Variants in MMP27 observed in about 807,000 individuals in gnomAD.
MMP27 encodes matrix metalloproteinase-27.
A neutral mutation model predicts 48.1 loss-of-function variants in MMP27; 51 were observed. The observed-to-expected ratio is 1.06, with a 90% CI of 0.85 to 1.34. MMP27 has a LOEUF of 1.34. MMP27 is among the 40% of genes most tolerant of loss of function. The pLI, the probability that MMP27 is intolerant of heterozygous loss-of-function variation, is 0.00. For synonymous variants in MMP27, 229 were observed against 208.9 expected (o/e 1.10, Z -0.83); for missense variants, 698 against 619.3 (o/e 1.13, Z -1.35).
intron 4 of MMP27, among the ~76,000 whole-genome samples, chr11:102,700,846 T>G (rs928644612): frequency 6.6e-6 from 1 of 152,248 alleles, no homozygotes; most frequent in Admixed American, 6.5e-5. Context: ...CCCCATGCGA[T>G]GACCTGTTCT....
Position 102,703,040 on chromosome 11 carries a change from T to G in MMP27, c.420A>C (p.Lys140Asn), listed in dbSNP as rs1325326866. The G allele has an allele frequency of 1.9e-6, 3 of 1,614,114 alleles. No individual in the cohort carries two copies. The East Asian group carries it at 6.7e-5, about 36-fold the overall frequency. The change falls in exon 3 of 10, where the codon AAA becomes AAC. Residue 140 changes from lysine to asparagine, a missense_variant. Lys to Asn is a moderately conservative substitution (Grantham distance 94). Transcript: ENST00000260229. ...AIQEGLEVWS[K>N]VTPLKFTKIS... ...TCTTGGTGAATTTTAGTGGAGTGACTTTGCTCCACACTTCTAAACCTTCTT... is the reference window on the plus strand; with the variant it reads ...TCTTGGTGAATTTTAGTGGAGTGACGTTGCTCCACACTTCTAAACCTTCTT...
rs1565427672 is a variant in MMP27, at chr11:102,698,967, A to AT, written c.620-2133dup. The stretch of plus-strand genomic sequence containing the variant: ...TTCTGTCACCCTGAGTACAGGAACC[A>AT]TGTCTTAATTATCTTTTATTCCTAG... On this transcript the variant is annotated intron_variant, in intron 4 of 9. Coordinates refer to ENST00000260229, the MANE Select transcript of MMP27 (RefSeq NM_022122.3). 2.6e-5 allele frequency among the ~76,000 whole-genome samples: 4 copies of AT among 152,340 alleles called. No individual in the cohort carries two copies. In the East Asian group the frequency reaches 7.7e-4, roughly 29 times the overall value.
intron 2 of MMP27, 65 bp downstream of exon 2, chr11:102,704,472 T>C: frequency 1.6e-6 from 2 of 1,240,220 alleles, no homozygotes; most frequent in Non-Finnish European, 2.3e-6. Flanking sequence ...AATATTATTC[T>C]GTTCCTTGGA....
chr11:102,693,068 C>T, intron 8 of MMP27, 27 bp from the exon 9 acceptor site: 1 of 1,581,724 alleles, frequency 6.3e-7, no homozygotes, highest in Non-Finnish European at 8.7e-7. Context: ...GAAAGGATAC[C>T]AGCGGATCTT....
At position 102,696,400 on chromosome 11, in the gene MMP27, G is replaced by T; in HGVS notation, c.873C>A (p.Phe291Leu). Residue 291 changes from phenylalanine (F) to leucine (L), a missense_variant, in exon 6 of 10, where the codon TTC becomes TTA. Physicochemically the swap from Phe to Leu is conservative, Grantham distance 22. Coordinates refer to ENST00000260229, the MANE Select transcript of MMP27 (RefSeq NM_022122.3). ...CTTTAAAGAACATTACTTCTCTGCG[G>T]AAAGTTGTGATAGCGTCAAAAGTCA... ...PDLTFDAITT[F>L]RREVMFFKGR... The T allele has an allele frequency of 6.2e-7, 1 of 1,613,826 alleles. No individual in the cohort carries two copies. Among genetic ancestry groups the T allele is most frequent in the Non-Finnish European group, 8.5e-7 (1 of 1,179,816 alleles).
chr11:102,699,469 A>AT (rs1236026360), intron 4 of MMP27, among the ~76,000 whole-genome samples: 2 of 151,874 alleles, frequency 1.3e-5, no homozygotes, highest in East Asian at 1.9e-4. Context: ...CCCGGTCTCA[A>AT]AAAATAAATA....
At chr11:102,694,907 T>C in intron 7 of MMP27, 60 bp downstream of exon 7, 1 of 1,591,234 alleles carries the variant, frequency 6.3e-7, no homozygotes, top group East Asian at 2.3e-5. Context: ...TACACCAAAA[T>C]ATCCACTGGT....
rs563054025 is a variant in MMP27 at position 102,702,815 on chromosome 11, C to G, written c.557G>C (p.Gly186Ala). The G allele has an allele frequency of 3.7e-6, 6 of 1,613,870 alleles. No homozygotes were observed. The African/African-American group carries it at 5.3e-5, about 14-fold the overall frequency. Residue 186 changes from glycine (G) to alanine (A), a missense_variant, in exon 4 of 10, where the codon GGT (glycine) becomes GCT (alanine). Coordinates refer to ENST00000260229, the MANE Select transcript of MMP27 (RefSeq NM_022122.3). Reference protein sequence around the residue: ...LGVLGHAFPPGPGLGGDTHFD... With the variant: ...LGVLGHAFPPAPGLGGDTHFD... Reference sequence around the variant, plus strand: ...ATGAGTGTCACCACCCAGACCCGGACCAGGAGGAAAGGCATGGCCAAGCAC... The same window carrying G: ...ATGAGTGTCACCACCCAGACCCGGAGCAGGAGGAAAGGCATGGCCAAGCAC...
intron 6 of MMP27, 100 bp downstream of exon 6, chr11:102,696,271 C>A: frequency 1.7e-6 from 2 of 1,210,904 alleles, no homozygotes. Flanking sequence ...AGATAAAAGG[C>A]ACACATTTTC....
chr11:102,701,935 C>A lies in MMP27; in HGVS notation c.619+818G>T, dbSNP rs1004440050. On this transcript the variant is annotated intron_variant, in intron 4 of 9. Transcript: ENST00000260229. ...ATACTATCCATCAGGACCACTACAA[C>A]CTGTGCTTTCCTGTGACTCTGGAAG... is the stretch of plus-strand genomic sequence containing the variant. Among the ~76,000 whole-genome samples, 9 of 152,198 alleles carry A rather than the reference C, an allele frequency of 5.9e-5. No individual in the cohort carries two copies. In the East Asian group the frequency reaches 1.7e-3, roughly 29 times the overall value.
intron 4 of MMP27, among the ~76,000 whole-genome samples, chr11:102,702,223 G>A (rs1486324142): frequency 2.0e-5 from 3 of 152,258 alleles, no homozygotes; most frequent in Non-Finnish European, 2.9e-5. Context: ...CTGGGCAAGA[G>A]TTAGAAGAGG....
intron 5 of MMP27, 77 bp downstream of exon 5, chr11:102,696,597 G>T: frequency 8.9e-6 from 14 of 1,568,058 alleles, no homozygotes; most frequent in Non-Finnish European, 1.2e-5. Flanking sequence ...AATATTTCAA[G>T]AAGTGATTTT....
At chr11:102,693,138 A>T in intron 8 of MMP27, 97 bp from the exon 9 acceptor site, 2 of 794,326 alleles carry the variant, frequency 2.5e-6, no homozygotes, top group Non-Finnish European at 4.3e-6. Flanking sequence ...GATGTGGGGA[A>T]TACATAGGCA....
chr11:102,696,904 GAAAGTAAC>G, intron 4 of MMP27, 69 bp from the exon 5 acceptor site: 7 of 1,489,660 alleles, frequency 4.7e-6, no homozygotes, highest in Non-Finnish European at 6.3e-6. Context: ...TCTGAGATTA[GAAAGTAAC>G]TAAGGGGAAT....
chr11:102,700,132 G>A (rs1205563303), intron 4 of MMP27, among the ~76,000 whole-genome samples: 1 of 152,068 alleles, frequency 6.6e-6, no homozygotes, highest in Non-Finnish European at 1.5e-5. Context: ...TATATACAAG[G>A]GTATATTTCA....
At chr11:102,696,518 T>C (rs1004782888) in intron 5 of MMP27, 27 bp from the exon 6 acceptor site, 2 of 1,611,640 alleles carry the variant, frequency 1.2e-6, no homozygotes, top group Non-Finnish European at 1.7e-6. Context: ...AATACCACAA[T>C]GAATTAAGAG....
At chr11:102,694,473 T>C (rs1832938103) in intron 7 of MMP27, among the ~76,000 whole-genome samples, 1 of 152,328 alleles carries the variant, frequency 6.6e-6, no homozygotes. Flanking sequence ...CCAAGTGCTC[T>C]CAAAGGCTAG....
intron 4 of MMP27, among the ~76,000 whole-genome samples, chr11:102,701,330 C>T (rs1307472308): frequency 1.3e-5 from 2 of 152,140 alleles, no homozygotes; most frequent in African/African-American, 2.4e-5. Context: ...CACATGTCCC[C>T]CTTGGCAGAG....
rs111695591 is a variant in MMP27 at position 102,702,670 on chromosome 11, A to G, written c.619+83T>C. On this transcript the variant is annotated intron_variant, in intron 4 of 9. Transcript: ENST00000260229. ...TGGGGACATTGGGAACTTTACAGTT[A>G]AAAAGCAGCTAGTTACAAAGCTATT... The G allele has an allele frequency of 1.5e-3, 2,162 of 1,470,982 alleles. 28 individuals are homozygous for G. In the East Asian group the frequency reaches 0.024, roughly 16 times the overall value. 91.1% of individuals were successfully genotyped at this position (1,470,982 alleles called of 1,614,324 possible).
Sources: allele counts gnomAD v4.1 joint callset (sites outside exome capture counted in the v4.1 genomes callset), GRCh38; gene constraint gnomAD v4.1.1; transcripts MANE v1.5; gene names NCBI Gene and HGNC (gene_info 2026-07-23, HGNC 2026-07-21).